The following MAP3K15 variants were observed in gnomAD, a reference collection of about 807,000 sequenced individuals.
The protein encoded by MAP3K15 is mitogen-activated protein kinase kinase kinase 15.
In MAP3K15, 124 loss-of-function variants were observed where a neutral mutation model predicts 99.5. That is an observed-to-expected ratio of 1.25 (90% CI 1.08 to 1.45). The LOEUF (loss-of-function observed/expected upper bound fraction) is 1.45, where lower values mean the gene tolerates loss of function less well. MAP3K15 is among the 40% of genes most tolerant of loss of function. The pLI, the probability that MAP3K15 is intolerant of heterozygous loss-of-function variation, is 0.00. For synonymous variants in MAP3K15, 494 were observed against 439.6 expected, an observed-to-expected ratio of 1.12 and a Z score of -1.55; for missense variants, 1,242 against 1,079.7, an observed-to-expected ratio of 1.15 and a Z score of -2.11.
chrX:19,397,763 T>A (rs1257877431), intron 15 of MAP3K15, among the ~76,000 whole-genome samples: 2 of 111,652 alleles, frequency 1.8e-5, no homozygotes. Context: ...ATTTTCTCAA[T>A]CTATAATACA....
At chrX:19,398,458 A>G (rs2063584433) in intron 14 of MAP3K15, 99 bp from the exon 15 acceptor site, 1 of 939,123 alleles carries the variant, frequency 1.1e-6, no homozygotes, top group African/African-American at 1.9e-5. Flanking sequence ...AAAAATATAA[A>G]TAACATTATT....
intron 3 of MAP3K15, among the ~76,000 whole-genome samples, chrX:19,470,405 G>A (rs1426699660): frequency 9.0e-6 from 1 of 110,509 alleles, no homozygotes; most frequent in Admixed American, 9.6e-5. Flanking sequence ...ATGTTGTGGG[G>A]TGGGGGGAGC....
chrX:19,406,259 A>G (rs1449812851), intron 13 of MAP3K15, among the ~76,000 whole-genome samples: 1 of 112,689 alleles, frequency 8.9e-6, no homozygotes, highest in Non-Finnish European at 1.9e-5. Context: ...ATGTCCTCAC[A>G]AATACTTGCA....
At chrX:19,485,308 C>CAA (rs368987947) in intron 3 of MAP3K15, among the ~76,000 whole-genome samples, 3 of 7,936 alleles carry the variant, frequency 3.8e-4, no homozygotes, top group African/African-American at 5.2e-4. Flanking sequence ...GACTCTGTCT[C>CAA]AAAAAAAAAA....
chrX:19,418,967 C>A (rs1347222006), intron 9 of MAP3K15, among the ~76,000 whole-genome samples: 2 of 111,406 alleles, frequency 1.8e-5, no homozygotes, highest in South Asian at 3.8e-4. Flanking sequence ...GAAATAAAAT[C>A]CTTTACAGAC....
intron 6 of MAP3K15, among the ~76,000 whole-genome samples, chrX:19,454,965 A>C (rs896240241): frequency 8.0e-5 from 9 of 112,234 alleles, no homozygotes; most frequent in African/African-American, 2.9e-4. Context: ...TTTTCAGATT[A>C]GAGATGCTCA....
At chrX:19,496,030 C>G (rs2064398991) in intron 1 of MAP3K15, among the ~76,000 whole-genome samples, 1 of 108,699 alleles carries the variant, frequency 9.2e-6, no homozygotes, top group African/African-American at 3.4e-5. Context: ...AGCTCCAACT[C>G]TGGGTTCCCT....
chrX:19,500,741 G>A (rs2066719951), intron 1 of MAP3K15, among the ~76,000 whole-genome samples: 1 of 112,436 alleles, frequency 8.9e-6, no homozygotes, highest in African/African-American at 3.2e-5. Flanking sequence ...GGCCGGGATT[G>A]AAACAGCACC....
chrX:19,412,357 G>A (rs2063695835), intron 11 of MAP3K15, among the ~76,000 whole-genome samples: 1 of 112,425 alleles, frequency 8.9e-6, no homozygotes, highest in South Asian at 3.7e-4. Context: ...TCATGTATGG[G>A]CATTCTTAGG....
At chrX:19,445,766 G>A (rs1329743680) in intron 6 of MAP3K15, among the ~76,000 whole-genome samples, 2 of 108,192 alleles carry the variant, frequency 1.8e-5, no homozygotes, top group African/African-American at 3.4e-5. Flanking sequence ...GGCCAACATA[G>A]CGAAAGCCAA....
chrX:19,504,505 C>G (rs1477841037), intron 1 of MAP3K15, among the ~76,000 whole-genome samples: 1 of 111,597 alleles, frequency 9.0e-6, no homozygotes, highest in Non-Finnish European at 1.9e-5. Context: ...TCCAGAGATA[C>G]CACCACAGAG....
chrX:19,454,826 AATGTTTACATTATACTTACGAGTTAAGC>A (rs1239660411), intron 6 of MAP3K15, among the ~76,000 whole-genome samples: 2 of 112,130 alleles, frequency 1.8e-5, no homozygotes, highest in Non-Finnish European at 3.8e-5. Flanking sequence ...CAGATTTTGG[AATGTTTACATTATACTTACGAGTTAAGC>A]ATCCCTAATT....
At chrX:19,490,140 T>TAC (rs59202439) in intron 1 of MAP3K15, among the ~76,000 whole-genome samples, 8,474 of 92,270 alleles carry the variant, frequency 0.092, 418 homozygotes, top group African/African-American at 0.15. Context: ...ATAGGCATTA[T>TAC]ACACACACAC....
rs143446334 is a variant in MAP3K15, at chrX:19,427,427, G to A, written c.1167-1084C>T. Among the ~76,000 whole-genome samples, 628 of 111,685 alleles carry A rather than the reference G, an allele frequency of 5.6e-3. 7 individuals are homozygous for A. The highest frequency in any genetic ancestry group is 0.02 in the African/African-American group (606 of 30,780). On this transcript the variant is annotated intron_variant, in intron 7 of 28. Coordinates refer to ENST00000338883, the MANE Select transcript of MAP3K15 (RefSeq NM_001001671.4). ...GTTTGTTTGCTTTTAACAATATGGA[G>A]TTGTTTTTTCATGCAGGAAGCCGTA...
At chrX:19,422,484 T>A (rs1259195469) in intron 9 of MAP3K15, among the ~76,000 whole-genome samples, 1 of 111,784 alleles carries the variant, frequency 8.9e-6, no homozygotes, top group Non-Finnish European at 1.9e-5. Flanking sequence ...TGAGATACCA[T>A]CTCACACCAG....
chrX:19,369,859 G>A (rs1444450427), intron 24 of MAP3K15, among the ~76,000 whole-genome samples: 2 of 110,029 alleles, frequency 1.8e-5, no homozygotes, highest in African/African-American at 3.3e-5. Context: ...GCAGTGAGGC[G>A]AGATCGCATC....
intron 18 of MAP3K15, among the ~76,000 whole-genome samples, chrX:19,382,079 T>C (rs186686996): frequency 7.3e-5 from 8 of 110,215 alleles, no homozygotes; most frequent in East Asian, 2.9e-4. Context: ...ACCCCGTCTC[T>C]ACTAAAAATA....
At chrX:19,409,311 C>A (rs751361301) in intron 12 of MAP3K15, among the ~76,000 whole-genome samples, 1 of 111,445 alleles carries the variant, frequency 9.0e-6, no homozygotes, top group Non-Finnish European at 1.9e-5. Flanking sequence ...CCTAACATCA[C>A]CCAGCAAAGA....
At chrX:19,457,386 T>C (rs921749202) in intron 5 of MAP3K15, among the ~76,000 whole-genome samples, 2 of 111,043 alleles carry the variant, frequency 1.8e-5, no homozygotes, top group African/African-American at 3.3e-5. Flanking sequence ...CGGAGGTGGG[T>C]GGATCACTTG....
Sources: allele counts gnomAD v4.1 joint callset (sites outside exome capture counted in the v4.1 genomes callset), GRCh38; gene constraint gnomAD v4.1.1; transcripts MANE v1.5; gene names NCBI Gene and HGNC (gene_info 2026-07-23, HGNC 2026-07-21).